The following CSMD1 variants were observed in gnomAD, a reference collection of about 807,000 sequenced individuals.
CSMD1 encodes the protein CUB and Sushi multiple domains 1, also known as CUB and sushi domain-containing protein 1.
Under a neutral mutation model 417.5 loss-of-function variants are expected in CSMD1, and 213 were observed. The observed-to-expected ratio is 0.51, with a 90% confidence interval of 0.46 to 0.57. The LOEUF (loss-of-function observed/expected upper bound fraction) is 0.57, where lower values mean the gene tolerates loss of function less well. CSMD1 is among the 20% of genes least tolerant of loss of function. The probability of loss-of-function intolerance (pLI) is 0.00; values close to 1 mark genes in which losing one functional copy is unlikely to be tolerated. For missense variants in CSMD1, 6,923 were observed against 4,529.7 expected (o/e 1.53, Z -15.17); for synonymous variants, 2,862 against 1,736.8 (o/e 1.65, Z -16.11).
chr8:4,834,977 A>AAAAGAAAGAAAG (rs1162672231), intron 1 of CSMD1, among the ~76,000 whole-genome samples: 1 of 32,238 alleles, frequency 3.1e-5, no homozygotes, highest in African/African-American at 5.3e-5. Context: ...AAAAAAAAAA[A>AAAAGAAAGAAAG]AAAGAAAGAA....
intron 26 of CSMD1, among the ~76,000 whole-genome samples, chr8:3,272,714 C>G (rs375658285): frequency 6.9e-6 from 1 of 145,244 alleles, no homozygotes. Context: ...GAGTTCACTC[C>G]TGATTTGGCT....
At chr8:4,842,605 C>T (rs1800909377) in intron 1 of CSMD1, among the ~76,000 whole-genome samples, 2 of 152,182 alleles carry the variant, frequency 1.3e-5, no homozygotes, top group African/African-American at 2.4e-5. Context: ...CTGCAGGGAA[C>T]CCGGGTGCCT....
rs187236717 is a variant in CSMD1, at chr8:3,314,902, C to A, written c.3632-6399G>T. Among the ~76,000 whole-genome samples the A allele has an allele frequency of 3.9e-3, 592 of 152,294 alleles. 3 individuals are homozygous for A. The highest frequency in any genetic ancestry group is 0.01 in the Admixed American group (159 of 15,302). On this transcript the variant is annotated intron_variant, in intron 23 of 69. Coordinates refer to ENST00000635120, the MANE Select transcript of CSMD1 (RefSeq NM_033225.6). ...TACATTAGGCTGAACAACGAGCTCA[C>A]AGTAATGTGAGTTTTTTCAGCTTCT...
At chr8:4,712,549 A>G (rs1361358478) in intron 1 of CSMD1, among the ~76,000 whole-genome samples, 2 of 152,210 alleles carry the variant, frequency 1.3e-5, no homozygotes, top group African/African-American at 2.4e-5. Flanking sequence ...AAAGATAGTA[A>G]GTGAAATAGA....
intron 2 of CSMD1, among the ~76,000 whole-genome samples, chr8:4,462,771 G>C (rs1799913351): frequency 6.6e-6 from 1 of 152,094 alleles, no homozygotes; most frequent in Non-Finnish European, 1.5e-5. Flanking sequence ...TCAGACAACT[G>C]AGTATCCACA....
chr8:3,453,304 T>C (rs1183817528), intron 12 of CSMD1, among the ~76,000 whole-genome samples: 1 of 152,216 alleles, frequency 6.6e-6, no homozygotes, highest in Non-Finnish European at 1.5e-5. Context: ...TTTGTGTCTC[T>C]ATTTCGTTCA....
At position 4,817,996 on chromosome 8, in the gene CSMD1, T is replaced by C. The variant is rs76108684; in HGVS notation, c.85+176336A>G. Among the ~76,000 whole-genome samples, 613 of 152,328 alleles carry C rather than the reference T, an allele frequency of 4.0e-3. 7 individuals are homozygous for C. Among genetic ancestry groups the C allele is most frequent in the African/African-American group, 0.014 (592 of 41,568 alleles). ...AGTTAAATTTCACATTGAGGTATTATGCATCATTATAATAAGGTTCAGTCA... is the reference window on the plus strand; with the variant it reads ...AGTTAAATTTCACATTGAGGTATTACGCATCATTATAATAAGGTTCAGTCA... On this transcript the variant is annotated intron_variant, in intron 1 of 69. Coordinates refer to ENST00000635120, the MANE Select transcript of CSMD1 (RefSeq NM_033225.6).
chr8:4,335,680 C>T (rs946091031), intron 3 of CSMD1, among the ~76,000 whole-genome samples: 1 of 151,966 alleles, frequency 6.6e-6, no homozygotes, highest in African/African-American at 2.4e-5. Context: ...GTATATTGTG[C>T]AAAATTGTTA....
chr8:4,048,772 G>C (rs1389830538), intron 3 of CSMD1, among the ~76,000 whole-genome samples: 3 of 152,130 alleles, frequency 2.0e-5, no homozygotes, highest in Admixed American at 6.5e-5. Context: ...GTGTATATCT[G>C]TGTTACATGA....
intron 1 of CSMD1, among the ~76,000 whole-genome samples, chr8:4,796,639 G>C (rs1167417389): frequency 6.6e-6 from 1 of 152,060 alleles, no homozygotes; most frequent in African/African-American, 2.4e-5. Flanking sequence ...CATACCCATG[G>C]GGAAAAACAC....
intron 25 of CSMD1, 101 bp from the exon 26 acceptor site, chr8:3,284,447 C>T: frequency 2.5e-6 from 2 of 812,362 alleles, no homozygotes; most frequent in Non-Finnish European, 4.1e-6. Context: ...ACACAACCCC[C>T]ACCAACATGT....
intron 3 of CSMD1, among the ~76,000 whole-genome samples, chr8:4,355,794 A>T (rs918984743): frequency 1.3e-5 from 2 of 152,168 alleles, no homozygotes; most frequent in Admixed American, 1.3e-4. Flanking sequence ...ATGTGCTACT[A>T]ACCTGGCTGC....
intron 5 of CSMD1, among the ~76,000 whole-genome samples, chr8:3,980,836 G>A (rs1411854723): frequency 4.6e-5 from 7 of 152,168 alleles, no homozygotes; most frequent in Admixed American, 4.6e-4. Context: ...ACTCCCAGCA[G>A]TTGGCTACTT....
intron 1 of CSMD1, among the ~76,000 whole-genome samples, chr8:4,658,410 A>G (rs1804376993): frequency 6.6e-6 from 1 of 152,174 alleles, no homozygotes; most frequent in Non-Finnish European, 1.5e-5. Flanking sequence ...CAAATTTCTC[A>G]TTAAAAATTC....
chr8:4,538,682 T>C (rs1169387887), intron 2 of CSMD1, among the ~76,000 whole-genome samples: 3 of 152,026 alleles, frequency 2.0e-5, no homozygotes, highest in Non-Finnish European at 4.4e-5. Flanking sequence ...TAAAATAAAA[T>C]GTAGTACCAA....
chr8:3,765,533 C>T (rs1159509529), intron 5 of CSMD1, among the ~76,000 whole-genome samples: 1 of 152,214 alleles, frequency 6.6e-6, no homozygotes, highest in Non-Finnish European at 1.5e-5. Context: ...TCTTCCTCTT[C>T]TTTGTAGTAT....
At chr8:4,222,128 T>TA (rs1315594146) in intron 3 of CSMD1, among the ~76,000 whole-genome samples, 6 of 150,186 alleles carry the variant, frequency 4.0e-5, no homozygotes, top group African/African-American at 1.5e-4. Context: ...CAGAAGCAAG[T>TA]AGAAGAGAAC....
Position 4,894,312 on chromosome 8 carries a change from C to T in CSMD1, c.85+100020G>A, listed in dbSNP as rs2117013972. Reference sequence around the variant, plus strand: ...ATTTATTGAATTTATATACATTTTTCATTTTTTATTTAATTTTCTACTAAT... The same window carrying T: ...ATTTATTGAATTTATATACATTTTTTATTTTTTATTTAATTTTCTACTAAT... On this transcript the variant is annotated intron_variant, in intron 1 of 69. Coordinates refer to ENST00000635120, the MANE Select transcript of CSMD1 (RefSeq NM_033225.6). Among the ~76,000 whole-genome samples the T allele has an allele frequency of 2.6e-5, 4 of 152,016 alleles. 1 individual carries two copies. The Middle Eastern group carries it at 0.014, about 517-fold the overall frequency.
intron 3 of CSMD1, among the ~76,000 whole-genome samples, chr8:4,274,966 T>C (rs1285359706): frequency 2.0e-5 from 3 of 152,192 alleles, no homozygotes; most frequent in African/African-American, 4.8e-5. Flanking sequence ...AACATGCTTG[T>C]AGCTGAGCAG....
Sources: gnomAD v4.1 joint callset for allele counts (sites outside exome capture counted in the v4.1 genomes callset) on GRCh38, gnomAD v4.1.1 for gene constraint, MANE v1.5 for transcripts, NCBI Gene and HGNC (gene_info 2026-07-23, HGNC 2026-07-21) for gene names.